Variants in LITAF observed in about 807,000 individuals in gnomAD.
The protein encoded by LITAF is lipopolysaccharide induced TNF factor.
LITAF carries 9 observed loss-of-function variants against 14.5 expected under a neutral mutation model. That is an observed-to-expected ratio of 0.62 (90% CI 0.37 to 1.08). The LOEUF (loss-of-function observed/expected upper bound fraction) is 1.08, where lower values mean the gene tolerates loss of function less well. Among genes scored for constraint, LITAF ranks in the 50% least tolerant of loss-of-function variants. The pLI is 0.01. For synonymous variants in LITAF, 98 were observed against 88.2 expected (o/e 1.11, Z -0.62); for missense variants, 206 against 213.4 (o/e 0.97, Z 0.22).
upstream of LITAF, chr16:11,587,276 C>A: frequency 2.4e-6 from 1 of 419,362 alleles, no homozygotes; most frequent in South Asian, 1.7e-5. Flanking sequence ...CCGCTCGCGG[C>A]TCTCCCCACT....
At chr16:11,570,662 G>A (rs778975395) in intron 1 of LITAF, among the ~76,000 whole-genome samples, 4 of 152,148 alleles carry the variant, frequency 2.6e-5, no homozygotes, top group Non-Finnish European at 4.4e-5. Context: ...AACCAGGTAG[G>A]CCCGGTGTAA....
At chr16:11,554,419 A>G (rs2064236517) in intron 2 of LITAF, among the ~76,000 whole-genome samples, 1 of 152,176 alleles carries the variant, frequency 6.6e-6, no homozygotes, top group Admixed American at 6.5e-5. Context: ...TGATACAAGA[A>G]ATGAAAATAT....
At chr16:11,638,050 A>C (rs1373745609), upstream of LITAF, among the ~76,000 whole-genome samples, 680 of 97,724 alleles carry the variant, frequency 7.0e-3, 80 homozygotes, top group African/African-American at 0.024. Context: ...ATCTATATAT[A>C]TATCTATATA....
chr16:11,630,286 G>A (rs1399981830), intron 3 of LITAF, among the ~76,000 whole-genome samples: 1 of 152,176 alleles, frequency 6.6e-6, no homozygotes, highest in Non-Finnish European at 1.5e-5. Context: ...CACAAAGCTG[G>A]GTCCTCTCTG....
chr16:11,617,219 C>CA (rs1423450724), intron 3 of LITAF, among the ~76,000 whole-genome samples: 1 of 151,460 alleles, frequency 6.6e-6, no homozygotes, highest in African/African-American at 2.4e-5. Flanking sequence ...GACTCCAACT[C>CA]AAAAAAATAA....
chr16:11,593,354 CAAAAAAAAAAA>C (rs57678584), intron 1 of LITAF, among the ~76,000 whole-genome samples: 1 of 54,752 alleles, frequency 1.8e-5, no homozygotes, highest in African/African-American at 7.1e-5. Context: ...AACTCTGTCT[CAAAAAAAAAAA>C]AAAAAAAAAA....
At chr16:11,606,952 C>T (rs753988) in intron 3 of LITAF, among the ~76,000 whole-genome samples, 85,722 of 152,034 alleles carry the variant, frequency 0.56, 26,072 homozygotes, top group Non-Finnish European at 0.69. Flanking sequence ...TTCACTGTAT[C>T]CTTCCAACAA....
At chr16:11,563,706 T>C (rs548201743) in intron 1 of LITAF, among the ~76,000 whole-genome samples, 1 of 152,178 alleles carries the variant, frequency 6.6e-6, no homozygotes, top group Non-Finnish European at 1.5e-5. Flanking sequence ...AGAACGTTAA[T>C]GATCAGCCGA....
chr16:11,589,339 T>C (rs1355440935), upstream of LITAF, among the ~76,000 whole-genome samples: 3 of 152,224 alleles, frequency 2.0e-5, no homozygotes, highest in Admixed American at 1.3e-4. Context: ...ACACACTTAA[T>C]GGTAAAAGAC....
chr16:11,556,160 G>A (rs753258937), intron 2 of LITAF: 2 of 431,736 alleles, frequency 4.6e-6, no homozygotes, highest in Admixed American at 7.8e-5. Context: ...CCTCGGCCCT[G>A]GCCTCAGGGC....
At chr16:11,599,168 A>C (rs1349557008), upstream of LITAF, among the ~76,000 whole-genome samples, 1 of 137,558 alleles carries the variant, frequency 7.3e-6, no homozygotes, top group Non-Finnish European at 1.6e-5. Flanking sequence ...ACCCAGGCTA[A>C]AGTGCAGTGG....
chr16:11,566,360 A>G (rs2064450889), intron 1 of LITAF, among the ~76,000 whole-genome samples: 1 of 152,172 alleles, frequency 6.6e-6, no homozygotes, highest in African/African-American at 2.4e-5. Flanking sequence ...AATCTAGGAA[A>G]GTCTCAGGCA....
chr16:11,611,703 C>T (rs904495538), intron 3 of LITAF, among the ~76,000 whole-genome samples: 5 of 150,954 alleles, frequency 3.3e-5, no homozygotes, highest in African/African-American at 9.7e-5. Flanking sequence ...CCCTCTGTCA[C>T]CCAGGCTGGA....
chr16:11,609,311 A>G (rs1230923939), intron 3 of LITAF, among the ~76,000 whole-genome samples: 1 of 151,820 alleles, frequency 6.6e-6, no homozygotes, highest in Admixed American at 6.6e-5. Context: ...TCCTGAGTTC[A>G]AGCGATTCTC....
At chr16:11,585,538 C>A (rs1335509686) in intron 1 of LITAF, among the ~76,000 whole-genome samples, 1 of 152,136 alleles carries the variant, frequency 6.6e-6, no homozygotes, top group African/African-American at 2.4e-5. Flanking sequence ...GATCCTGCTC[C>A]AACTGATAAA....
intron 1 of LITAF, among the ~76,000 whole-genome samples, chr16:11,594,995 T>C (rs2141855496): frequency 6.6e-6 from 1 of 152,326 alleles, no homozygotes; most frequent in Non-Finnish European, 1.5e-5. Flanking sequence ...TTTGCTACTG[T>C]CCATTTTCTA....
rs545518063 is a variant in LITAF, at chr16:11,560,422, C to T, written c.-5-3687G>A. Reference sequence around the variant, plus strand: ...GGTAAGGAGTTCGAGACCAGCCTGGCCAACATGGTGAAACCCCATCTCTAC... The same window carrying T: ...GGTAAGGAGTTCGAGACCAGCCTGGTCAACATGGTGAAACCCCATCTCTAC... On this transcript the variant is annotated intron_variant, in intron 1 of 3. Transcript: ENST00000622633. Among the ~76,000 whole-genome samples, 14 of 151,852 alleles carry T rather than the reference C, an allele frequency of 9.2e-5. No homozygotes were observed. The East Asian group carries it at 2.7e-3, about 29-fold the overall frequency.
In LITAF at chr16:11,549,195, G is replaced by A. The variant is rs568508478; in HGVS notation, c.*442C>T. 2.0e-5 allele frequency: 9 copies of A among 453,124 alleles called. No homozygotes were observed. The highest frequency in any genetic ancestry group is 1.4e-4 in the African/African-American group (7 of 50,038). The allele number at this position is 453,124 out of a possible 1,614,324, so 28.1% of individuals were successfully genotyped here. On this transcript the variant is annotated 3_prime_UTR_variant, in exon 4 of 4. Transcript: ENST00000622633. This position sits in a 1 kb window ranked among gnomAD's most constrained non-coding sequence, Gnocchi z 4.6. ...GAAGAGACGGATAAGATAATGGTAG[G>A]CACTAAAGGCTGGTTCAGCCGAGCT...
upstream of LITAF, among the ~76,000 whole-genome samples, chr16:11,638,030 ATC>A (rs1432349538): frequency 3.6e-4 from 36 of 99,974 alleles, no homozygotes; most frequent in African/African-American, 1.9e-3. Context: ...ATATCTATAT[ATC>A]TATATATATC....
Sources: gnomAD v4.1 joint callset for allele counts (sites outside exome capture counted in the v4.1 genomes callset) on GRCh38, gnomAD v4.1.1 for gene constraint, Gnocchi (gnomAD v3.1) non-coding constraint, MANE v1.5 for transcripts, NCBI Gene and HGNC (gene_info 2026-07-23, HGNC 2026-07-21) for gene names.